The following SUSD5 variants were observed in gnomAD, a reference collection of about 807,000 sequenced individuals.
The protein encoded by SUSD5 is sushi domain containing 5.
A neutral mutation model predicts 29.5 loss-of-function variants in SUSD5; 33 were observed. That is an observed-to-expected ratio of 1.12 (90% CI 0.85 to 1.49). The LOEUF is 1.49. SUSD5 is among the 40% of genes most tolerant of loss of function. The probability of loss-of-function intolerance (pLI) is 0.00; values close to 1 mark genes in which losing one functional copy is unlikely to be tolerated. For missense variants in SUSD5, 776 were observed against 800.6 expected (o/e 0.97, Z 0.37); for synonymous variants, 308 against 325.3 (o/e 0.95, Z 0.57).
intron 3 of SUSD5, among the ~76,000 whole-genome samples, chr3:33,179,064 T>C (rs1426300503): frequency 1.3e-5 from 2 of 152,220 alleles, no homozygotes; most frequent in Non-Finnish European, 2.9e-5. Flanking sequence ...CGCTCTGGGC[T>C]TGTGCTTTCT....
At chr3:33,205,750 C>T (rs908126482) in intron 3 of SUSD5, among the ~76,000 whole-genome samples, 2 of 152,208 alleles carry the variant, frequency 1.3e-5, no homozygotes, top group South Asian at 2.1e-4. Context: ...GGCCAGCCAA[C>T]TCCTAGAAGC....
chr3:33,179,935 A>G (rs1324243533), intron 3 of SUSD5, among the ~76,000 whole-genome samples: 1 of 152,220 alleles, frequency 6.6e-6, no homozygotes, highest in African/African-American at 2.4e-5. Flanking sequence ...AAAATCATAG[A>G]GCAATGTATT....
chr3:33,214,026 C>G lies in SUSD5; in HGVS notation c.192G>C (p.Arg64Ser). The change falls in exon 2 of 5, where the codon AGG becomes AGC. Residue 64 changes from arginine (R) to serine (S), a missense_variant. By Grantham distance (110) the Arg-to-Ser change is moderately radical. Coordinates refer to ENST00000309558, the MANE Select transcript of SUSD5 (RefSeq NM_015551.2). ...CGTCTGCAGATGCCAGGTGAGCGCCCCTGCTCTTGCAGGAAAGCCGAGCAG... is the reference window on the plus strand; with the variant it reads ...CGTCTGCAGATGCCAGGTGAGCGCCGCTGCTCTTGCAGGAAAGCCGAGCAG... ...LEAARLSCKS[R>S]GAHLASADEL... is the part of the protein sequence containing the mutation. The G allele has an allele frequency of 6.2e-7, 1 of 1,613,682 alleles. No individual in the cohort carries two copies. Among genetic ancestry groups the G allele is most frequent in the South Asian group, 1.1e-5 (1 of 91,004 alleles).
intron 3 of SUSD5, among the ~76,000 whole-genome samples, chr3:33,179,871 G>A (rs935740378): frequency 3.3e-5 from 5 of 152,144 alleles, no homozygotes; most frequent in African/African-American, 7.2e-5. Context: ...TGGTAGTCTC[G>A]TAAGATTATA....
intron 3 of SUSD5, among the ~76,000 whole-genome samples, chr3:33,199,510 TGATCCGCCCGCCTCG>T: frequency 6.6e-6 from 1 of 152,284 alleles, no homozygotes; most frequent in Middle Eastern, 3.4e-3. Flanking sequence ...CCTGACCTCG[TGATCCGCCCGCCTCG>T]GCCTCCCAAA....
rs1277857974 is a variant in SUSD5 at position 33,150,226 on chromosome 3, AGAG to A, written c.*2513_*2515del. On this transcript the variant is annotated 3_prime_UTR_variant, in exon 5 of 5. Transcript: ENST00000309558. ...TTTTTAGATTCTATAACATTAATTT[AGAG>A]GATACCACACCAATAAGAACTTAAA... 6.6e-6 allele frequency: 1 copy of A among 152,178 alleles called. No homozygotes were observed. Among genetic ancestry groups the A allele is most frequent in the Non-Finnish European group, 1.5e-5 (1 of 68,038 alleles). The allele number at this position is 152,178 out of a possible 1,614,324, so 9.4% of individuals were successfully genotyped here. A position where few individuals can be genotyped will look rare whatever the true frequency, so the allele number is the denominator to read the frequency against.
chr3:33,211,517 TC>T (rs892886987), intron 2 of SUSD5, among the ~76,000 whole-genome samples: 7 of 152,352 alleles, frequency 4.6e-5, no homozygotes, highest in African/African-American at 1.7e-4. Context: ...AGTTCCAGAT[TC>T]ACCAAAAGGC....
chr3:33,178,109 GTTTTGTTTTTGT>G (rs968804582), intron 3 of SUSD5, among the ~76,000 whole-genome samples: 2 of 152,086 alleles, frequency 1.3e-5, no homozygotes, highest in African/African-American at 4.8e-5. Flanking sequence ...AGGTTTTTTT[GTTTTGTTTTTGT>G]TTTTGTTTTT....
At chr3:33,171,506 A>G (rs2031427526) in intron 4 of SUSD5, among the ~76,000 whole-genome samples, 1 of 152,226 alleles carries the variant, frequency 6.6e-6, no homozygotes, top group Middle Eastern at 3.2e-3. Flanking sequence ...CCTTAAAAAT[A>G]ACAACAGCAA....
intron 4 of SUSD5, among the ~76,000 whole-genome samples, chr3:33,155,588 G>A (rs1051229297): frequency 6.6e-6 from 1 of 152,174 alleles, no homozygotes; most frequent in African/African-American, 2.4e-5. Context: ...GTGCATATGG[G>A]TACCAAAAGA....
chr3:33,164,668 C>G (rs533684598), intron 4 of SUSD5, among the ~76,000 whole-genome samples: 1 of 152,052 alleles, frequency 6.6e-6, no homozygotes, highest in African/African-American at 2.4e-5. Flanking sequence ...AGGACTCCTA[C>G]AAATAAATAT....
Position 33,153,879 on chromosome 3 carries a change from G to C in SUSD5, c.753C>G (p.Val251=), listed in dbSNP as rs1334560156. ...SEEAPKQDRL[V]SISVGRENIA... ...TGTTTTCTCTCCCCACAGAAATGGA[G>C]ACCAGACGGTCCTGTTTTGGAGCCT... Residue 251 remains valine, a synonymous_variant, in exon 5 of 5, where the codon GTC becomes GTG. Coordinates refer to ENST00000309558, the MANE Select transcript of SUSD5 (RefSeq NM_015551.2). The C allele has an allele frequency of 1.9e-6, 3 of 1,613,908 alleles. No individual in the cohort carries two copies. The highest frequency in any genetic ancestry group is 2.5e-6 in the Non-Finnish European group (3 of 1,179,910).
At chr3:33,163,332 G>A (rs1306882802) in intron 4 of SUSD5, among the ~76,000 whole-genome samples, 1 of 151,974 alleles carries the variant, frequency 6.6e-6, no homozygotes, top group Admixed American at 6.5e-5. Context: ...ATGTCGGTAA[G>A]CTGGGTTAAG....
At chr3:33,188,137 CCAAT>C (rs1344815029) in intron 3 of SUSD5, among the ~76,000 whole-genome samples, 1 of 152,140 alleles carries the variant, frequency 6.6e-6, no homozygotes, top group African/African-American at 2.4e-5. Flanking sequence ...CATTTGCCTG[CCAAT>C]CAAAGCTTCT....
intron 4 of SUSD5, among the ~76,000 whole-genome samples, chr3:33,171,234 C>G (rs1001516647): frequency 6.6e-6 from 1 of 152,036 alleles, no homozygotes; most frequent in African/African-American, 2.4e-5. Context: ...GTAATCCCAG[C>G]TATTCGGGAG....
chr3:33,189,603 C>T (rs1440211861), intron 3 of SUSD5, among the ~76,000 whole-genome samples: 1 of 151,924 alleles, frequency 6.6e-6, no homozygotes, highest in African/African-American at 2.4e-5. Context: ...TTTACCCTCA[C>T]CAATGACAAC....
chr3:33,210,540 C>G (rs753680272), intron 2 of SUSD5, among the ~76,000 whole-genome samples: 13 of 152,200 alleles, frequency 8.5e-5, no homozygotes, highest in Non-Finnish European at 1.8e-4. Context: ...TTATCATTCT[C>G]TGGATTTATG....
intron 4 of SUSD5, chr3:33,168,578 C>T (rs1245750343): frequency 2.1e-5 from 21 of 985,364 alleles, no homozygotes; most frequent in African/African-American, 3.5e-5. Flanking sequence ...TCGTTCTCCT[C>T]CCCATCTCAG....
intron 3 of SUSD5, among the ~76,000 whole-genome samples, chr3:33,192,847 T>C (rs2031920408): frequency 6.6e-6 from 1 of 152,046 alleles, no homozygotes; most frequent in South Asian, 2.1e-4. Flanking sequence ...AATAATTCAT[T>C]GCCTTATTTT....
Sources: gnomAD v4.1 joint callset for allele counts (sites outside exome capture counted in the v4.1 genomes callset) on GRCh38, gnomAD v4.1.1 for gene constraint, MANE v1.5 for transcripts, NCBI Gene and HGNC (gene_info 2026-07-23, HGNC 2026-07-21) for gene names.